The following IKBKB-DT variants were observed in gnomAD, a reference collection of about 807,000 sequenced individuals.
IKBKB-DT encodes IKBKB divergent transcript.
intron 2 of IKBKB-DT, among the ~76,000 whole-genome samples, chr8:42,265,235 G>A (rs575709823): frequency 6.6e-6 from 1 of 152,324 alleles, no homozygotes; most frequent in South Asian, 2.1e-4. Flanking sequence ...AGACTCAAGT[G>A]ATCCTCTTGC....
intron 3 of IKBKB-DT, among the ~76,000 whole-genome samples, chr8:42,241,224 C>CTTTGTTTT (rs1806998586): frequency 2.2e-5 from 1 of 45,678 alleles, no homozygotes; most frequent in African/African-American, 6.0e-5. Flanking sequence ...ATGTTGGAAT[C>CTTTGTTTT]TTTTTTTTTT....
chr8:42,264,834 C>T (rs1384609863), intron 2 of IKBKB-DT, among the ~76,000 whole-genome samples: 1 of 150,620 alleles, frequency 6.6e-6, no homozygotes. Flanking sequence ...GCTGGGATTA[C>T]AGGTGTGAGC....
chr8:42,266,340 G>A (rs1807369320), exon 2 of IKBKB-DT: 1 of 152,174 alleles, frequency 6.6e-6, no homozygotes, highest in African/African-American at 2.4e-5. Flanking sequence ...TCAGCTCCAG[G>A]TTGTACAGAA....
chr8:42,253,560 A>T (rs1178764198), intron 3 of IKBKB-DT, among the ~76,000 whole-genome samples: 5 of 152,216 alleles, frequency 3.3e-5, no homozygotes, highest in Non-Finnish European at 7.3e-5. Context: ...GGAAACTAGA[A>T]TTGGGGATCC....
chr8:42,236,940 G>C (rs1401371701), intron 3 of IKBKB-DT, among the ~76,000 whole-genome samples: 1 of 151,324 alleles, frequency 6.6e-6, no homozygotes, highest in East Asian at 1.9e-4. Flanking sequence ...GGCCGGTCTT[G>C]AGCTCTTGAG....
In IKBKB-DT at chr8:42,258,554, C is replaced by T. The variant is rs1283077419; in HGVS notation, n.1529+4775G>A. On this transcript the variant is annotated intron_variant and non_coding_transcript_variant, in intron 3 of 3. Coordinates refer to ENST00000518213, the Ensembl canonical transcript of IKBKB-DT. ...CGCGATCTCTGCTCACTGCAACCTC[C>T]GCCTCCTGGATTCACGCCATTCTCC... Among the ~76,000 whole-genome samples, 6 of 151,960 alleles carry T rather than the reference C, an allele frequency of 3.9e-5. No homozygotes were observed. In the South Asian group the frequency reaches 6.2e-4, roughly 16 times the overall value.
chr8:42,255,119 C>T (rs976981234), intron 3 of IKBKB-DT, among the ~76,000 whole-genome samples: 35 of 151,628 alleles, frequency 2.3e-4, no homozygotes, highest in Admixed American at 1.2e-3. Flanking sequence ...CACCTCTGCC[C>T]GGCCACCCCA....
chr8:42,245,543 A>T (rs1201507809), intron 3 of IKBKB-DT, among the ~76,000 whole-genome samples: 1 of 152,238 alleles, frequency 6.6e-6, no homozygotes, highest in Non-Finnish European at 1.5e-5. Flanking sequence ...ACAGCCAGGC[A>T]GAGTAACGCA....
At chr8:42,257,059 A>T (rs900512339) in intron 3 of IKBKB-DT, among the ~76,000 whole-genome samples, 1 of 152,288 alleles carries the variant, frequency 6.6e-6, no homozygotes, top group East Asian at 1.9e-4. Flanking sequence ...AACTAGAATT[A>T]TAACTGACAA....
chr8:42,252,148 C>G (rs1366182862), intron 3 of IKBKB-DT, among the ~76,000 whole-genome samples: 1 of 152,262 alleles, frequency 6.6e-6, no homozygotes, highest in African/African-American at 2.4e-5. Context: ...TGACATGGCA[C>G]TGGCCAGGTA....
At chr8:42,267,660 C>A (rs1310355833) in intron 1 of IKBKB-DT, among the ~76,000 whole-genome samples, 2 of 152,112 alleles carry the variant, frequency 1.3e-5, no homozygotes, top group African/African-American at 4.8e-5. Flanking sequence ...GCACACTCAG[C>A]CTCAAAGCAG....
intron 1 of IKBKB-DT, chr8:42,270,214 C>T (rs1807539880): frequency 6.6e-6 from 1 of 152,156 alleles, no homozygotes; most frequent in African/African-American, 2.4e-5. Flanking sequence ...TAATGCAGAC[C>T]AGGTGCAGTG....
chr8:42,250,588 A>G (rs1807118466), intron 3 of IKBKB-DT, among the ~76,000 whole-genome samples: 1 of 152,224 alleles, frequency 6.6e-6, no homozygotes, highest in South Asian at 2.1e-4. Context: ...ATCTTGGCCT[A>G]AGCCCAGGAA....
chr8:42,258,661 G>C (rs1020771041), intron 3 of IKBKB-DT, among the ~76,000 whole-genome samples: 2 of 151,892 alleles, frequency 1.3e-5, no homozygotes, highest in Admixed American at 6.6e-5. Flanking sequence ...ATAGAGACAG[G>C]GTTTCACCAT....
chr8:42,269,567 G>A (rs1259298629), intron 1 of IKBKB-DT, among the ~76,000 whole-genome samples: 1 of 136,744 alleles, frequency 7.3e-6, no homozygotes, highest in Non-Finnish European at 1.6e-5. Context: ...AGCCGGGAAG[G>A]GAAGGGAAGG....
chr8:42,258,899 A>G (rs1807243366), intron 3 of IKBKB-DT, among the ~76,000 whole-genome samples: 1 of 152,192 alleles, frequency 6.6e-6, no homozygotes, highest in Non-Finnish European at 1.5e-5. Context: ...AGAAATTTCT[A>G]GTTTTCACTA....
In IKBKB-DT at chr8:42,234,928, C is replaced by G. The variant is rs117774420; in HGVS notation, n.1530-1069G>C. ...TACAGGCGTGAGCAACTGCGCTGGC[C>G]TATTTTATAGTTTAAATGATAATAG... is the stretch of plus-strand genomic sequence containing the variant. On this transcript the variant is annotated intron_variant and non_coding_transcript_variant, in intron 3 of 3. Transcript: ENST00000518213. Among the ~76,000 whole-genome samples the G allele has an allele frequency of 0.016, 2,471 of 152,248 alleles. 117 individuals are homozygous for G. In the South Asian group the frequency reaches 0.18, roughly 11 times the overall value.
chr8:42,251,877 G>A (rs1358551258), intron 3 of IKBKB-DT, among the ~76,000 whole-genome samples: 1 of 151,606 alleles, frequency 6.6e-6, no homozygotes, highest in African/African-American at 2.4e-5. Context: ...TGGAGAGATT[G>A]TTAGCAGTGA....
intron 3 of IKBKB-DT, among the ~76,000 whole-genome samples, chr8:42,253,742 C>G (rs925098963): frequency 6.6e-6 from 1 of 152,190 alleles, no homozygotes; most frequent in African/African-American, 2.4e-5. Context: ...AAAGGGTACA[C>G]TCGCCAGCAG....
Sources: allele counts gnomAD v4.1 joint callset (sites outside exome capture counted in the v4.1 genomes callset), GRCh38; gene constraint gnomAD v4.1.1; transcripts MANE v1.5; gene names NCBI Gene and HGNC (gene_info 2026-07-23, HGNC 2026-07-21).